The following PPEF2 variants were observed in gnomAD, a reference collection of about 807,000 sequenced individuals.
The protein encoded by PPEF2 is serine/threonine-protein phosphatase with EF-hands 2.
A neutral mutation model predicts 84.7 loss-of-function variants in PPEF2; 84 were observed. That is an observed-to-expected ratio of 0.99 (90% CI 0.83 to 1.19). The LOEUF (loss-of-function observed/expected upper bound fraction) is 1.19. Among genes scored for constraint, PPEF2 ranks in the 50% most tolerant of loss-of-function variants. PPEF2 has a pLI of 0.00. For missense variants in PPEF2, 924 were observed against 937.5 expected, an observed-to-expected ratio of 0.99 and a Z score of 0.19; for synonymous variants, 346 against 345.2, an observed-to-expected ratio of 1.00 and a Z score of -0.03.
rs1345947768 is a variant in PPEF2 at position 75,876,356 on chromosome 4, G to A, written c.1251C>T (p.Ser417=). 1.2e-6 allele frequency: 2 copies of A among 1,613,926 alleles called. No individual in the cohort carries two copies. Among genetic ancestry groups the A allele is most frequent in the Admixed American group, 1.7e-5 (1 of 60,004 alleles). The part of the protein sequence containing the change: ...LLVTGEKEEP[S]RSASEADSEA... ...CAGAGTCTGCTTCTGAGGCTGAGCGGGAGGGCTCCTCTTTCTCTCCGGTCA... is the reference window on the plus strand; with the variant it reads ...CAGAGTCTGCTTCTGAGGCTGAGCGAGAGGGCTCCTCTTTCTCTCCGGTCA... Residue 417 remains serine, a synonymous_variant, in exon 11 of 17, where the codon TCC becomes TCT. Transcript: ENST00000286719.
At chr4:75,888,614 T>C (rs886681808) in intron 5 of PPEF2, among the ~76,000 whole-genome samples, 3 of 152,240 alleles carry the variant, frequency 2.0e-5, no homozygotes, top group African/African-American at 7.2e-5. Context: ...GAAGACCATG[T>C]GATTGTTTCA....
intron 10 of PPEF2, among the ~76,000 whole-genome samples, chr4:75,879,024 C>T (rs912320612): frequency 1.2e-4 from 18 of 152,188 alleles, no homozygotes; most frequent in African/African-American, 4.3e-4. Flanking sequence ...CATTCACACA[C>T]ATTCCTCTCC....
At chr4:75,879,958 A>G (rs1461667747) in intron 10 of PPEF2, among the ~76,000 whole-genome samples, 2 of 151,938 alleles carry the variant, frequency 1.3e-5, no homozygotes, top group Non-Finnish European at 2.9e-5. Context: ...CCTCCCGAGT[A>G]GCTGGGAGTA....
Position 75,894,639 on chromosome 4 carries a change from C to A in PPEF2, c.55+1632G>T, listed in dbSNP as rs558935327. On this transcript the variant is annotated intron_variant, in intron 2 of 16. Coordinates refer to ENST00000286719, the MANE Select transcript of PPEF2 (RefSeq NM_006239.3). ...ACATGTCTCAGGAGCTGGGGTTTAA[C>A]ACCTGTATGGGGATGAGAGTGAGTT... Among the ~76,000 whole-genome samples, 25 of 152,276 alleles carry A rather than the reference C, an allele frequency of 1.6e-4. No individual in the cohort carries two copies. The South Asian group carries it at 3.5e-3, about 22-fold the overall frequency.
chr4:75,899,268 A>G (rs1340553792), intron 1 of PPEF2, among the ~76,000 whole-genome samples: 1 of 152,206 alleles, frequency 6.6e-6, no homozygotes, highest in South Asian at 2.1e-4. Context: ...ACTGATGGGC[A>G]TACAGGTTGA....
intron 13 of PPEF2, among the ~76,000 whole-genome samples, chr4:75,871,096 T>A (rs1724260771): frequency 6.6e-6 from 1 of 151,690 alleles, no homozygotes; most frequent in South Asian, 2.1e-4. Flanking sequence ...TTTTTTGTAT[T>A]TTTAGTAGAG....
chr4:75,900,838 A>G (rs1264698744), intron 1 of PPEF2, among the ~76,000 whole-genome samples: 1 of 152,208 alleles, frequency 6.6e-6, no homozygotes, highest in Non-Finnish European at 1.5e-5. Context: ...CATGACAAAG[A>G]ACAAGGCAAG....
chr4:75,899,185 G>A (rs1422381437), intron 1 of PPEF2, among the ~76,000 whole-genome samples: 1 of 152,118 alleles, frequency 6.6e-6, no homozygotes, highest in Non-Finnish European at 1.5e-5. Flanking sequence ...ACACAGAACA[G>A]GATTTCATCC....
intron 1 of PPEF2, among the ~76,000 whole-genome samples, chr4:75,896,613 T>C (rs1725015405): frequency 6.6e-6 from 1 of 152,188 alleles, no homozygotes; most frequent in Non-Finnish European, 1.5e-5. Context: ...AAATCTCTTA[T>C]TTTGCATTCT....
At chr4:75,888,699 T>C (rs1448652219) in intron 5 of PPEF2, among the ~76,000 whole-genome samples, 1 of 152,214 alleles carries the variant, frequency 6.6e-6, no homozygotes, top group Non-Finnish European at 1.5e-5. Flanking sequence ...TCAGCTCAGC[T>C]CCTCCTGCAA....
At chr4:75,897,946 C>T (rs571158614) in intron 1 of PPEF2, among the ~76,000 whole-genome samples, 1 of 152,154 alleles carries the variant, frequency 6.6e-6, no homozygotes, top group Non-Finnish European at 1.5e-5. Context: ...GCTGAGAGCC[C>T]TGAACAGAGA....
At chr4:75,866,761 T>C (rs6811934) in intron 14 of PPEF2, among the ~76,000 whole-genome samples, 16,113 of 152,152 alleles carry the variant, frequency 0.11, 2,795 homozygotes, top group African/African-American at 0.36. Context: ...TTAAAAAAAA[T>C]TAAACCACCT....
rs557022969 is a variant in PPEF2, at chr4:75,868,809, C to G, written c.1650-1390G>C. On this transcript the variant is annotated intron_variant, in intron 13 of 16. Coordinates refer to ENST00000286719, the MANE Select transcript of PPEF2 (RefSeq NM_006239.3). ...CTTGAGGCCAGGAGCTCAAGACCAC[C>G]CTGGGCAACACAGCTAGGCTGGGTT... 5.9e-5 allele frequency among the ~76,000 whole-genome samples: 9 copies of G among 152,142 alleles called. No homozygotes were observed. In the South Asian group the frequency reaches 1.9e-3, roughly 32 times the overall value.
chr4:75,877,132 G>A (rs2149219149), intron 10 of PPEF2, among the ~76,000 whole-genome samples: 1 of 152,062 alleles, frequency 6.6e-6, no homozygotes, highest in East Asian at 1.9e-4. Flanking sequence ...TGAATTGGGA[G>A]TTCGAGACCA....
intron 4 of PPEF2, among the ~76,000 whole-genome samples, chr4:75,891,373 CT>C (rs1724877688): frequency 6.6e-6 from 1 of 152,086 alleles, no homozygotes; most frequent in South Asian, 2.1e-4. Flanking sequence ...GCTGGACTGG[CT>C]GCGATTCCTT....
Position 75,879,613 on chromosome 4 carries a change from T to C in PPEF2, c.934-2940A>G, listed in dbSNP as rs533029050. On this transcript the variant is annotated intron_variant, in intron 10 of 16. Coordinates refer to ENST00000286719, the MANE Select transcript of PPEF2 (RefSeq NM_006239.3). Reference sequence around the variant, plus strand: ...GTATTTTCTTTCTTATAATAAAAATTAGAAGCACTGGTAAGGAACAATCAG... The same window carrying C: ...GTATTTTCTTTCTTATAATAAAAATCAGAAGCACTGGTAAGGAACAATCAG... Among the ~76,000 whole-genome samples, 479 of 152,288 alleles carry C rather than the reference T, an allele frequency of 3.1e-3. 1 individual carries two copies. Among genetic ancestry groups the C allele is most frequent in the South Asian group, 0.023 (109 of 4,824 alleles).
At chr4:75,876,189 A>AGAG in intron 11 of PPEF2, 98 bp downstream of exon 11, 1 of 1,452,640 alleles carries the variant, frequency 6.9e-7, no homozygotes, top group South Asian at 1.4e-5. Context: ...CCAGAAAGAG[A>AGAG]AAGAGGGGCC....
chr4:75,891,406 C>A (rs1179950924), intron 4 of PPEF2, among the ~76,000 whole-genome samples: 1 of 152,084 alleles, frequency 6.6e-6, no homozygotes, highest in Non-Finnish European at 1.5e-5. Flanking sequence ...TTCCCCACTC[C>A]CTCCCACCCC....
At chr4:75,894,081 T>C (rs1287503512) in intron 2 of PPEF2, among the ~76,000 whole-genome samples, 2 of 152,218 alleles carry the variant, frequency 1.3e-5, no homozygotes, top group Non-Finnish European at 1.5e-5. Context: ...ACCTGGGCTG[T>C]AAAAACTCTA....
Sources: allele counts gnomAD v4.1 joint callset (sites outside exome capture counted in the v4.1 genomes callset), GRCh38; gene constraint gnomAD v4.1.1; transcripts MANE v1.5; gene names NCBI Gene and HGNC (gene_info 2026-07-23, HGNC 2026-07-21).